NEK10: variants seen among roughly 807,000 people sequenced by gnomAD.
NEK10 encodes the protein NIMA related kinase 10.
NEK10 carries 122 observed loss-of-function variants against 159.8 expected under a neutral mutation model. The observed-to-expected ratio is 0.76, with a 90% CI of 0.66 to 0.89. The LOEUF (loss-of-function observed/expected upper bound fraction) is 0.89. Ranked by LOEUF, NEK10 falls within the 40% of genes least tolerant of loss-of-function variation. The pLI, the probability that NEK10 is intolerant of heterozygous loss-of-function variation, is 0.00. For synonymous variants in NEK10, 466 were observed against 457.1 expected, an observed-to-expected ratio of 1.02 and a Z score of -0.25; for missense variants, 1,342 against 1,323.1, an observed-to-expected ratio of 1.01 and a Z score of -0.22.
chr3:27,356,163 A>G (rs917589806), intron 1 of NEK10, among the ~76,000 whole-genome samples: 1 of 152,144 alleles, frequency 6.6e-6, no homozygotes, highest in Non-Finnish European at 1.5e-5. Flanking sequence ...CCAGACACCA[A>G]GCCTACTAGC....
chr3:27,352,474 G>A lies in NEK10; in HGVS notation c.123C>T (p.Ser41=), dbSNP rs1159497720. The A allele has an allele frequency of 1.2e-6, 2 of 1,608,826 alleles. No homozygotes were observed. The highest frequency in any genetic ancestry group is 2.2e-5 in the East Asian group (1 of 44,866). The change falls in exon 3 of 36, where the codon AGC becomes AGT. Residue 41 remains serine (S), a synonymous_variant. Coordinates refer to ENST00000691995, the MANE Select transcript of NEK10 (RefSeq NM_001394966.1). ...TCTTTGAAAACGCTACCTGTTGTTTGCTTGATTGGACGTTCAAAAGGCACC... is the reference window on the plus strand; with the variant it reads ...TCTTTGAAAACGCTACCTGTTGTTTACTTGATTGGACGTTCAAAAGGCACC... ...RLRCLLNVQS[S]KQQLPAINFD... is the part of the protein sequence containing the mutation.
intron 26 of NEK10, among the ~76,000 whole-genome samples, chr3:27,191,689 A>G (rs1469996387): frequency 6.6e-6 from 1 of 152,230 alleles, no homozygotes. Context: ...ATATTCATAC[A>G]TATTCCCAAA....
At chr3:27,284,787 C>A in intron 21 of NEK10, 53 bp downstream of exon 21, 1 of 1,548,820 alleles carries the variant, frequency 6.5e-7, no homozygotes, top group East Asian at 2.2e-5. Flanking sequence ...CTTTAAGAAG[C>A]CAGCTCAGAA....
chr3:27,330,067 T>C (rs928635225), intron 5 of NEK10, among the ~76,000 whole-genome samples: 1 of 152,208 alleles, frequency 6.6e-6, no homozygotes, highest in Non-Finnish European at 1.5e-5. Flanking sequence ...TGTTTTTTAT[T>C]GTTTTTCCTG....
intron 23 of NEK10, among the ~76,000 whole-genome samples, chr3:27,229,354 T>C (rs935817120): frequency 6.6e-6 from 1 of 152,100 alleles, no homozygotes; most frequent in African/African-American, 2.4e-5. Context: ...TAGGAACTCA[T>C]TGAAAAACAG....
chr3:27,321,608 G>GA (rs1217522392), intron 6 of NEK10, among the ~76,000 whole-genome samples: 3 of 152,176 alleles, frequency 2.0e-5, no homozygotes, highest in African/African-American at 7.2e-5. Context: ...GGGAGGTGGA[G>GA]AGTGCTAGGA....
chr3:27,235,869 T>A (rs1323076556), intron 23 of NEK10, among the ~76,000 whole-genome samples: 1 of 151,960 alleles, frequency 6.6e-6, no homozygotes, highest in East Asian at 1.9e-4. Context: ...AGCCAAGACA[T>A]GGAATCAACG....
At chr3:27,184,178 G>GT (rs1164964058) in intron 26 of NEK10, among the ~76,000 whole-genome samples, 3 of 152,278 alleles carry the variant, frequency 2.0e-5, no homozygotes, top group South Asian at 2.1e-4. Flanking sequence ...TGGAGAAAAC[G>GT]TAAGTGTTCA....
chr3:27,119,809 T>C lies in NEK10; in HGVS notation c.3141A>G (p.Leu1047=). ...TGTTTCCACCGGATGAACGATGTAATAAATGGTAATCTGCTGTGAAAAAGT... is the reference window on the plus strand; with the variant it reads ...TGTTTCCACCGGATGAACGATGTAACAAATGGTAATCTGCTGTGAAAAAGT... ...EPNFFTADYH[L]LHRSSGGNSL... Residue 1047 remains leucine, a synonymous_variant, in exon 33 of 36, where the codon TTA becomes TTG. Coordinates refer to ENST00000691995, the MANE Select transcript of NEK10 (RefSeq NM_001394966.1). 1.9e-6 allele frequency: 3 copies of C among 1,614,010 alleles called. No individual in the cohort carries two copies. The African/African-American group carries it at 4.0e-5, about 22-fold the overall frequency.
chr3:27,154,018 T>G (rs1370541176), intron 30 of NEK10, among the ~76,000 whole-genome samples: 2 of 152,100 alleles, frequency 1.3e-5, no homozygotes, highest in South Asian at 4.1e-4. Flanking sequence ...AACAAAAAGC[T>G]AATTCTTTGA....
chr3:27,255,501 T>C (rs984631011), intron 23 of NEK10, among the ~76,000 whole-genome samples: 2 of 84,428 alleles, frequency 2.4e-5, no homozygotes, highest in African/African-American at 1.4e-4. Context: ...ATAGGCTAGA[T>C]TTAAAAAAAA....
intron 31 of NEK10, among the ~76,000 whole-genome samples, chr3:27,137,958 C>G (rs1269588463): frequency 6.6e-6 from 1 of 152,202 alleles, no homozygotes; most frequent in African/African-American, 2.4e-5. Context: ...CAAGTCCACC[C>G]TTTCATTATC....
chr3:27,251,590 G>C (rs1311431072), intron 23 of NEK10, among the ~76,000 whole-genome samples: 2 of 152,178 alleles, frequency 1.3e-5, no homozygotes, highest in Admixed American at 1.3e-4. Context: ...AAGCCAAGAA[G>C]ATACCAGCGT....
At chr3:27,221,613 G>A (rs1952108282) in intron 23 of NEK10, among the ~76,000 whole-genome samples, 1 of 152,224 alleles carries the variant, frequency 6.6e-6, no homozygotes, top group African/African-American at 2.4e-5. Context: ...AAAATCCTAT[G>A]TATTATCTTT....
chr3:27,308,219 A>C (rs541935), intron 10 of NEK10, among the ~76,000 whole-genome samples: 64,098 of 151,872 alleles, frequency 0.42, 16,893 homozygotes, highest in African/African-American at 0.76. Flanking sequence ...AAACCATCAG[A>C]TCTCATGAGA....
At chr3:27,297,635 A>T (rs1357011777) in intron 13 of NEK10, among the ~76,000 whole-genome samples, 1 of 152,190 alleles carries the variant, frequency 6.6e-6, no homozygotes, top group Non-Finnish European at 1.5e-5. Context: ...ATATTATTCA[A>T]CTCAATCCTT....
intron 5 of NEK10, among the ~76,000 whole-genome samples, chr3:27,337,521 G>C (rs1195372950): frequency 6.6e-6 from 1 of 151,686 alleles, no homozygotes; most frequent in Admixed American, 6.6e-5. Flanking sequence ...AACAAAGCAG[G>C]ACCCATCACA....
Position 27,284,884 on chromosome 3 carries a change from G to T in NEK10, c.1867C>A (p.His623Asn), listed in dbSNP as rs756259364. 2.5e-6 allele frequency: 4 copies of T among 1,593,108 alleles called. No homozygotes were observed. The South Asian group carries it at 4.4e-5, about 18-fold the overall frequency. Residue 623 changes from histidine (H) to asparagine (N), a missense_variant, in exon 21 of 36, where the codon CAT becomes AAT. Physicochemically the swap from His to Asn is moderately conservative, Grantham distance 68. Transcript: ENST00000691995. ...GEHFSSLKEK[H>N]HHFTEERLWK... ...AGTCTTTCTTCAGTAAAATGGTGAT[G>T]TTTTTCCTTCAAAGAACTGAAATGC...
intron 32 of NEK10, 36 bp downstream of exon 32, chr3:27,131,844 G>T: frequency 8.4e-7 from 1 of 1,193,684 alleles, no homozygotes; most frequent in Non-Finnish European, 1.2e-6. Flanking sequence ...ATGTGGTTTT[G>T]TCAGCAAAAG....
Sources: allele counts gnomAD v4.1 joint callset (sites outside exome capture counted in the v4.1 genomes callset), GRCh38; gene constraint gnomAD v4.1.1; transcripts MANE v1.5; gene names NCBI Gene and HGNC (gene_info 2026-07-23, HGNC 2026-07-21).